Variants in NUDT16 observed in about 807,000 individuals in gnomAD.
NUDT16 encodes the protein U8 snoRNA-decapping enzyme.
NUDT16 carries 12 observed loss-of-function variants against 11.7 expected under a neutral mutation model. That is an observed-to-expected ratio of 1.03 (90% CI 0.66 to 1.67). The LOEUF (loss-of-function observed/expected upper bound fraction) is 1.67. NUDT16 is among the 40% of genes most tolerant of loss of function. NUDT16 has a pLI of 0.00. For synonymous variants in NUDT16, 129 were observed against 122.6 expected (o/e 1.05, Z -0.35); for missense variants, 303 against 268.9 (o/e 1.13, Z -0.89).
chr3:131,383,086 T>G lies in NUDT16; in HGVS notation c.409-76T>G. 1 of 1,495,552 alleles carries G rather than the reference T, an allele frequency of 6.7e-7. No homozygotes were observed. Among genetic ancestry groups the G allele is most frequent in the Non-Finnish European group, 9.1e-7 (1 of 1,097,496 alleles). The allele number at this position is 1,495,552 out of a possible 1,614,324, so 92.6% of individuals were successfully genotyped here. ...TGGAGTATTAAGGGGTGAGGCCTGA[T>G]CTGCTGGAGAAAGGATGGAGTTAAG... On this transcript the variant is annotated intron_variant, in intron 2 of 2. Transcript: ENST00000521288. The surrounding 1 kb of genome is among the most constrained non-coding windows in gnomAD (Gnocchi z 4.4).
At position 131,382,308 on chromosome 3, in the gene NUDT16, G is replaced by A; in HGVS notation, c.401G>A (p.Gly134Glu). 6.2e-7 allele frequency: 1 copy of A among 1,612,954 alleles called. No individual in the cohort carries two copies. The highest frequency in any genetic ancestry group is 2.2e-5 in the East Asian group (1 of 44,872). ...GGCGCAACACGCGCCAAGGACCACG[G>A]GCTGGAGGTGGGACCAGCCTGGGAC... ...EAGATRAKDH[G>E]LEVLGLVRVP... Residue 134 changes from glycine to glutamate, a missense_variant, in exon 2 of 3, where the codon GGG becomes GAG. By Grantham distance (98) the Gly-to-Glu change is moderately conservative. Coordinates refer to ENST00000521288, the MANE Select transcript of NUDT16 (RefSeq NM_152395.3).
At position 131,388,693 on chromosome 3, in the gene NUDT16, C is replaced by T. The variant is rs549169128; in HGVS notation, c.*5352C>T. On this transcript the variant is annotated 3_prime_UTR_variant, in exon 3 of 3. Transcript: ENST00000521288. The stretch of plus-strand genomic sequence containing the variant: ...GTGGGCTGGCTGTGAGGCAGTGGCT[C>T]CTATTATGTACAATTTTAGTGCTAA... The T allele has an allele frequency of 6.6e-6, 1 of 152,186 alleles. No individual in the cohort carries two copies. The highest frequency in any genetic ancestry group is 6.5e-5 in the Admixed American group (1 of 15,290). 9.4% of individuals were successfully genotyped at this position (152,186 alleles called of 1,614,324 possible). A position where few individuals can be genotyped will look rare whatever the true frequency, so the allele number is the denominator to read the frequency against.
In NUDT16 at chr3:131,381,936, CATA is replaced by C; in HGVS notation, c.133_135del (p.Ile45del). The C allele has an allele frequency of 6.2e-7, 1 of 1,611,356 alleles. No homozygotes were observed. Among genetic ancestry groups the C allele is most frequent in the Admixed American group, 1.7e-5 (1 of 59,840 alleles). ...TCGGCCGCATCCCGCTGCGCTACGC[CATA>C]CTGGTGAGAAGGGGGCGCGCCCGGC... On this transcript the variant is annotated inframe_deletion, in exon 1 of 3. Coordinates refer to ENST00000521288, the MANE Select transcript of NUDT16 (RefSeq NM_152395.3).
chr3:131,382,687 G>A (rs2097456712), intron 2 of NUDT16: 2 of 1,435,210 alleles, frequency 1.4e-6, no homozygotes, highest in East Asian at 2.5e-5. Flanking sequence ...TTCAGGCAGG[G>A]CTAGTAGATA....
At position 131,383,389 on chromosome 3, in the gene NUDT16, C is replaced by A; in HGVS notation, c.*48C>A. ...GAAAACTGAGATGAGGACCTTGGTA[C>A]TAGGGAGGGAGGGAAGGACGTGGGA... On this transcript the variant is annotated 3_prime_UTR_variant, in exon 3 of 3. Coordinates refer to ENST00000521288, the MANE Select transcript of NUDT16 (RefSeq NM_152395.3). This position sits in a 1 kb window ranked among gnomAD's most constrained non-coding sequence, Gnocchi z 4.4. The A allele has an allele frequency of 6.2e-7, 1 of 1,611,050 alleles. No homozygotes were observed. Among genetic ancestry groups the A allele is most frequent in the Non-Finnish European group, 8.5e-7 (1 of 1,179,056 alleles).
chr3:131,383,952 G>C lies in NUDT16; in HGVS notation c.*611G>C, dbSNP rs570381435. On this transcript the variant is annotated 3_prime_UTR_variant, in exon 3 of 3. Coordinates refer to ENST00000521288, the MANE Select transcript of NUDT16 (RefSeq NM_152395.3). This position sits in a 1 kb window ranked among gnomAD's most constrained non-coding sequence, Gnocchi z 4.4. Reference sequence around the variant, plus strand: ...TTTCTTCTGAAACTGAGCAGGAAGGGTAAGGAAGTGGCTAGGTCTCCTTGG... The same window carrying C: ...TTTCTTCTGAAACTGAGCAGGAAGGCTAAGGAAGTGGCTAGGTCTCCTTGG... 1.8e-5 allele frequency: 3 copies of C among 167,752 alleles called. No homozygotes were observed. The South Asian group carries it at 4.5e-4, about 25-fold the overall frequency. 10.4% of individuals were successfully genotyped at this position (167,752 alleles called of 1,614,324 possible).
rs2097460064 is a variant in NUDT16 at position 131,386,593 on chromosome 3, T to C, written c.*3252T>C. On this transcript the variant is annotated 3_prime_UTR_variant, in exon 3 of 3. Coordinates refer to ENST00000521288, the MANE Select transcript of NUDT16 (RefSeq NM_152395.3). ...ACAGGATGCTATGTACTTTCCTGCTTCACAGCACATTTTGTTTCTTGCAAG... is the reference window on the plus strand; with the variant it reads ...ACAGGATGCTATGTACTTTCCTGCTCCACAGCACATTTTGTTTCTTGCAAG... 1 of 152,208 alleles carries C rather than the reference T, an allele frequency of 6.6e-6. No individual in the cohort carries two copies. The highest frequency in any genetic ancestry group is 6.5e-5 in the Admixed American group (1 of 15,282). The allele number at this position is 152,208 out of a possible 1,614,324, so 9.4% of individuals were successfully genotyped here.
In NUDT16 at chr3:131,388,727, TTAA is replaced by T. The variant is rs1460039930; in HGVS notation, c.*5388_*5390del. 1.1e-4 allele frequency: 16 copies of T among 152,284 alleles called. No individual in the cohort carries two copies. The highest frequency in any genetic ancestry group is 3.1e-4 in the African/African-American group (13 of 41,528). 9.4% of individuals were successfully genotyped at this position (152,284 alleles called of 1,614,324 possible). On this transcript the variant is annotated 3_prime_UTR_variant, in exon 3 of 3. Transcript: ENST00000521288. ...TACAATTTTAGTGCTAAGTACTGTG[TTAA>T]TGATGGCTATCAAACAATATGTTAA...
Position 131,388,031 on chromosome 3 carries a change from T to C in NUDT16, c.*4690T>C, listed in dbSNP as rs766492576. On this transcript the variant is annotated 3_prime_UTR_variant, in exon 3 of 3. Transcript: ENST00000521288. ...GGGCATTTAAGGAGAGCAGGGACTC[T>C]GAAATGAGGTGAGAGAAAAGATAAG... is the stretch of plus-strand genomic sequence containing the variant. The C allele has an allele frequency of 2.0e-5, 3 of 152,004 alleles. No homozygotes were observed. Among genetic ancestry groups the C allele is most frequent in the Admixed American group, 2.0e-4 (3 of 15,264 alleles). 9.4% of individuals were successfully genotyped at this position (152,004 alleles called of 1,614,324 possible).
At position 131,386,419 on chromosome 3, in the gene NUDT16, T is replaced by C. The variant is rs954463215; in HGVS notation, c.*3078T>C. On this transcript the variant is annotated 3_prime_UTR_variant, in exon 3 of 3. Transcript: ENST00000521288. ...AAGAAGAGAAATGCTCATTGCAATC[T>C]TTGACCCCCACTAACTGCTGTGGTG... The C allele has an allele frequency of 1.3e-5, 2 of 152,276 alleles. No homozygotes were observed. The highest frequency in any genetic ancestry group is 4.8e-5 in the African/African-American group (2 of 41,450). The allele number at this position is 152,276 out of a possible 1,614,324, so 9.4% of individuals were successfully genotyped here.
At position 131,388,660 on chromosome 3, in the gene NUDT16, G is replaced by C. The variant is rs1252726502; in HGVS notation, c.*5319G>C. 5 of 152,196 alleles carry C rather than the reference G, an allele frequency of 3.3e-5. No homozygotes were observed. The highest frequency in any genetic ancestry group is 7.3e-5 in the Non-Finnish European group (5 of 68,038). 9.4% of individuals were successfully genotyped at this position (152,196 alleles called of 1,614,324 possible). Reference sequence around the variant, plus strand: ...ATAACTGATCGACAGGAAAACTGTAGGAAATTTGTGGGCTGGCTGTGAGGC... The same window carrying C: ...ATAACTGATCGACAGGAAAACTGTACGAAATTTGTGGGCTGGCTGTGAGGC... On this transcript the variant is annotated 3_prime_UTR_variant, in exon 3 of 3. Coordinates refer to ENST00000521288, the MANE Select transcript of NUDT16 (RefSeq NM_152395.3).
intron 2 of NUDT16, chr3:131,382,612 G>A (rs781166581): frequency 1.3e-6 from 2 of 1,490,904 alleles, no homozygotes; most frequent in South Asian, 2.6e-5. Context: ...CATTATCTAG[G>A]TGTGGCAACC....
chr3:131,382,267 G>C lies in NUDT16; in HGVS notation c.360G>C (p.Leu120=). Residue 120 remains leucine (L), a synonymous_variant, in exon 2 of 3, where the codon CTG becomes CTC. Transcript: ENST00000521288. ...CCAAGCGTCTGACGCTCGAGGAGCTGTTGGCTGTGGAGGCCGGCGCAACAC... is the reference window on the plus strand; with the variant it reads ...CCAAGCGTCTGACGCTCGAGGAGCTCTTGGCTGTGGAGGCCGGCGCAACAC... The part of the protein sequence containing the change: ...FYAKRLTLEE[L]LAVEAGATRA... 2 of 1,612,826 alleles carry C rather than the reference G, an allele frequency of 1.2e-6. No homozygotes were observed. The highest frequency in any genetic ancestry group is 1.7e-6 in the Non-Finnish European group (2 of 1,179,846).
At position 131,388,542 on chromosome 3, in the gene NUDT16, CGTTTAAGT is replaced by C. The variant is rs1390246458; in HGVS notation, c.*5203_*5210del. The C allele has an allele frequency of 6.6e-6, 1 of 152,130 alleles. No homozygotes were observed. The highest frequency in any genetic ancestry group is 1.5e-5 in the Non-Finnish European group (1 of 68,020). 9.4% of individuals were successfully genotyped at this position (152,130 alleles called of 1,614,324 possible). On this transcript the variant is annotated 3_prime_UTR_variant, in exon 3 of 3. Coordinates refer to ENST00000521288, the MANE Select transcript of NUDT16 (RefSeq NM_152395.3). Reference sequence around the variant, plus strand: ...CAAATTGCATGTCTATCTAAATTGACGTTTAAGTGCAAAAGCATGGATATTACTCATGC... The same window carrying C: ...CAAATTGCATGTCTATCTAAATTGACGCAAAAGCATGGATATTACTCATGC...
rs146652487 is a variant in NUDT16, at chr3:131,388,464, T to G, written c.*5123T>G. On this transcript the variant is annotated 3_prime_UTR_variant, in exon 3 of 3. Transcript: ENST00000521288. ...AAAAACTAAAAAGCATCAGACTGTT[T>G]TTTGTGTGAAGGAAATTTGTAAGGT... is the stretch of plus-strand genomic sequence containing the variant. 49 of 152,308 alleles carry G rather than the reference T, an allele frequency of 3.2e-4. No homozygotes were observed. Among genetic ancestry groups the G allele is most frequent in the Admixed American group, 1.6e-3 (25 of 15,296 alleles). 9.4% of individuals were successfully genotyped at this position (152,308 alleles called of 1,614,324 possible).
rs2097457451 is a variant in NUDT16 at position 131,383,362 on chromosome 3, A to G, written c.*21A>G. The G allele has an allele frequency of 6.2e-7, 1 of 1,613,746 alleles. No homozygotes were observed. Among genetic ancestry groups the G allele is most frequent in the South Asian group, 1.1e-5 (1 of 90,994 alleles). ...ACTAGAGGCAGCCCTCCATGGACCCATGAAAACTGAGATGAGGACCTTGGT... is the reference window on the plus strand; with the variant it reads ...ACTAGAGGCAGCCCTCCATGGACCCGTGAAAACTGAGATGAGGACCTTGGT... On this transcript the variant is annotated 3_prime_UTR_variant, in exon 3 of 3. Coordinates refer to ENST00000521288, the MANE Select transcript of NUDT16 (RefSeq NM_152395.3). This position sits in a 1 kb window ranked among gnomAD's most constrained non-coding sequence, Gnocchi z 4.4.
Position 131,385,577 on chromosome 3 carries a change from A to C in NUDT16, c.*2236A>C, listed in dbSNP as rs2097459449. On this transcript the variant is annotated 3_prime_UTR_variant, in exon 3 of 3. Coordinates refer to ENST00000521288, the MANE Select transcript of NUDT16 (RefSeq NM_152395.3). ...GGGTGGGCAGTGGTCTGGAAGCTTG[A>C]TGCAGAGCAGTGTGGGTCCCACTGG... 6.6e-6 allele frequency: 1 copy of C among 152,508 alleles called. No individual in the cohort carries two copies. Among genetic ancestry groups the C allele is most frequent in the Admixed American group, 6.5e-5 (1 of 15,284 alleles). The allele number at this position is 152,508 out of a possible 1,614,324, so 9.4% of individuals were successfully genotyped here. A position where few individuals can be genotyped will look rare whatever the true frequency, so the allele number is the denominator to read the frequency against.
chr3:131,382,136 C>T lies in NUDT16; in HGVS notation c.229C>T (p.Leu77=). 6.2e-7 allele frequency: 1 copy of T among 1,611,530 alleles called. No homozygotes were observed. The highest frequency in any genetic ancestry group is 8.5e-7 in the Non-Finnish European group (1 of 1,179,058). The change falls in exon 2 of 3, where the codon CTG becomes TTG. Residue 77 remains leucine (L), a synonymous_variant. Coordinates refer to ENST00000521288, the MANE Select transcript of NUDT16 (RefSeq NM_152395.3). ...CCTAGAGGACGGGCTGAACCGCGAG[C>T]TGCGCGAGGAGCTGGGCGAAGCGGC... is the stretch of plus-strand genomic sequence containing the variant. ...RSLEDGLNRE[L]REELGEAAAA...
rs2097455870 is a variant in NUDT16 at position 131,382,112 on chromosome 3, C to CTAGA, written c.206_209dup (p.Glu70AspfsTer26). 2 of 1,607,908 alleles carry CTAGA rather than the reference C, an allele frequency of 1.2e-6. No individual in the cohort carries two copies. The highest frequency in any genetic ancestry group is 1.3e-5 in the African/African-American group (1 of 74,740). On this transcript the variant is annotated frameshift_variant, in exon 2 of 3. Transcript: ENST00000521288. LOFTEE classifies it high-confidence loss of function. ...ATTCGTGGACACGCAGGACAGAAGC[C>CTAGA]TAGAGGACGGGCTGAACCGCGAGCT...
Sources: allele counts gnomAD v4.1 joint callset, GRCh38; gene constraint gnomAD v4.1.1; non-coding constraint Gnocchi (gnomAD v3.1); transcripts MANE v1.5; gene names NCBI Gene and HGNC (gene_info 2026-07-23, HGNC 2026-07-21).